Variants in TCF7L2 observed in about 807,000 individuals in gnomAD.
The protein encoded by TCF7L2 is transcription factor 7-like 2.
A neutral mutation model predicts 77.9 loss-of-function variants in TCF7L2; 23 were observed. The ratio of observed to expected loss-of-function variants is 0.30; its 90% confidence interval spans 0.21 to 0.42. TCF7L2 has a LOEUF of 0.42. TCF7L2 is among the 10% of genes least tolerant of loss of function. TCF7L2 has a pLI of 1.00. For synonymous variants in TCF7L2, 413 were observed against 340.2 expected, an observed-to-expected ratio of 1.21 and a Z score of -2.36; for missense variants, 654 against 793.1, an observed-to-expected ratio of 0.82 and a Z score of 2.11.
At chr10:113,003,662 C>T (rs1297206700) in intron 4 of TCF7L2, among the ~76,000 whole-genome samples, 1 of 152,224 alleles carries the variant, frequency 6.6e-6, no homozygotes, top group African/African-American at 2.4e-5. Flanking sequence ...GCAATTGTCC[C>T]TTCTCCAGCC....
chr10:113,041,492 A>G (rs2052433037), intron 5 of TCF7L2, among the ~76,000 whole-genome samples: 1 of 152,220 alleles, frequency 6.6e-6, no homozygotes, highest in South Asian at 2.1e-4. Context: ...GGCCAGAGCA[A>G]GGCTTGGATC....
chr10:113,038,883 A>G (rs1269897622), intron 4 of TCF7L2, among the ~76,000 whole-genome samples: 1 of 152,144 alleles, frequency 6.6e-6, no homozygotes, highest in African/African-American at 2.4e-5. Flanking sequence ...GTGTTCATTG[A>G]GTAAAGTTTT....
chr10:113,147,932 T>A (rs1471732940), intron 8 of TCF7L2, among the ~76,000 whole-genome samples: 1 of 152,028 alleles, frequency 6.6e-6, no homozygotes, highest in African/African-American at 2.4e-5. Flanking sequence ...GGCGGCCGAC[T>A]CCCCAGGTAG....
intron 4 of TCF7L2, among the ~76,000 whole-genome samples, chr10:113,003,162 G>T (rs2044796582): frequency 6.6e-6 from 1 of 152,146 alleles, no homozygotes; most frequent in Non-Finnish European, 1.5e-5. Context: ...CTTCCACATT[G>T]GATATGCAAG....
At chr10:113,017,740 C>G (rs2047589579) in intron 4 of TCF7L2, among the ~76,000 whole-genome samples, 1 of 152,136 alleles carries the variant, frequency 6.6e-6, no homozygotes, top group Non-Finnish European at 1.5e-5. Flanking sequence ...CATTCCTGTC[C>G]CAGTCACCTT....
intron 5 of TCF7L2, among the ~76,000 whole-genome samples, chr10:113,096,196 T>C (rs369108753): frequency 1.4e-4 from 22 of 152,306 alleles, no homozygotes; most frequent in Middle Eastern, 3.4e-3. Flanking sequence ...TTTTGACTTA[T>C]CTGCCTATCA....
At chr10:113,012,702 C>T (rs1324085194) in intron 4 of TCF7L2, among the ~76,000 whole-genome samples, 1 of 152,150 alleles carries the variant, frequency 6.6e-6, no homozygotes, top group Non-Finnish European at 1.5e-5. Context: ...TACATACAAG[C>T]ACCTGCCTGG....
intron 4 of TCF7L2, among the ~76,000 whole-genome samples, chr10:113,019,649 A>AG (rs2047952343): frequency 1.3e-5 from 2 of 151,178 alleles, no homozygotes; most frequent in African/African-American, 4.9e-5. Context: ...TAATGTTTAG[A>AG]GACAAAAAAA....
intron 5 of TCF7L2, among the ~76,000 whole-genome samples, chr10:113,110,098 A>G (rs1482831754): frequency 6.6e-6 from 1 of 152,242 alleles, no homozygotes; most frequent in African/African-American, 2.4e-5. Flanking sequence ...TAAAACAAGC[A>G]TGATAATTCT....
intron 3 of TCF7L2, among the ~76,000 whole-genome samples, chr10:112,955,981 C>T: frequency 6.6e-6 from 1 of 151,908 alleles, no homozygotes; most frequent in East Asian, 1.9e-4. Context: ...GCAAAAAGTG[C>T]CTAGATTTCT....
At chr10:113,155,980 C>A (rs1048819142) in intron 11 of TCF7L2, among the ~76,000 whole-genome samples, 2 of 152,232 alleles carry the variant, frequency 1.3e-5, no homozygotes, top group Non-Finnish European at 2.9e-5. Context: ...TTGCACAGGC[C>A]CCTTCCCCTC....
rs374789612 is a variant in TCF7L2 at position 112,960,650 on chromosome 10, T to C, written c.382-3906T>C. ...GTGGTCTTGGAGCACTCCTGGTGAC[T>C]GGTGCAGGACAGTCCCAAGAGATGA... On this transcript the variant is annotated intron_variant, in intron 3 of 13. Coordinates refer to ENST00000627217, the MANE Select transcript of TCF7L2 (RefSeq NM_001146274.2). 1.9e-4 allele frequency among the ~76,000 whole-genome samples: 28 copies of C among 150,812 alleles called. No homozygotes were observed. In the East Asian group the frequency reaches 5.3e-3, roughly 28 times the overall value.
rs2060989002 is a variant in TCF7L2, at chr10:113,096,536, G to A, written c.553-44648G>A. Among the ~76,000 whole-genome samples, 3 of 151,972 alleles carry A rather than the reference G, an allele frequency of 2.0e-5. No individual in the cohort carries two copies. The South Asian group carries it at 6.2e-4, about 32-fold the overall frequency. ...AGTGTTCTCTGTCACGTCTCTGAAA[G>A]GCCATTTCAAACCGGTTTGCATTAA... On this transcript the variant is annotated intron_variant, in intron 5 of 13. Transcript: ENST00000627217.
chr10:112,966,184 T>TTATTTATATATA (rs2036768924), intron 4 of TCF7L2, among the ~76,000 whole-genome samples: 1 of 114,280 alleles, frequency 8.8e-6, no homozygotes, highest in Non-Finnish European at 1.7e-5. Flanking sequence ...TAAAATATAT[T>TTATTTATATATA]TATATATATA....
intron 5 of TCF7L2, among the ~76,000 whole-genome samples, chr10:113,134,483 G>A (rs2067102787): frequency 6.6e-6 from 1 of 152,154 alleles, no homozygotes; most frequent in South Asian, 2.1e-4. Context: ...GGACAGGGGG[G>A]TTACCTTAAC....
chr10:113,100,896 AG>A (rs1177962350), intron 5 of TCF7L2, among the ~76,000 whole-genome samples: 1 of 152,074 alleles, frequency 6.6e-6, no homozygotes, highest in Middle Eastern at 3.2e-3. Context: ...ACCAACATGG[AG>A]AAACCTCATT....
At chr10:113,025,113 G>A (rs758555381) in intron 4 of TCF7L2, among the ~76,000 whole-genome samples, 1 of 151,332 alleles carries the variant, frequency 6.6e-6, no homozygotes, top group Non-Finnish European at 1.5e-5. Flanking sequence ...GCTGAAGTAC[G>A]GTGGCACAAT....
intron 5 of TCF7L2, among the ~76,000 whole-genome samples, chr10:113,101,949 G>A (rs568445214): frequency 6.6e-6 from 1 of 150,394 alleles, no homozygotes; most frequent in Non-Finnish European, 1.5e-5. Context: ...GACCAGCCTG[G>A]GCAACATAGT....
At chr10:113,101,842 C>CAAAAAA (rs71007412) in intron 5 of TCF7L2, among the ~76,000 whole-genome samples, 6 of 45,998 alleles carry the variant, frequency 1.3e-4, no homozygotes, top group African/African-American at 5.5e-4. Context: ...GACTCCGTCT[C>CAAAAAA]AAAAAAAAAA....
Sources: allele counts gnomAD v4.1 joint callset (sites outside exome capture counted in the v4.1 genomes callset), GRCh38; gene constraint gnomAD v4.1.1; transcripts MANE v1.5; gene names NCBI Gene and HGNC (gene_info 2026-07-23, HGNC 2026-07-21).